STC2: variants seen among roughly 807,000 people sequenced by gnomAD.
The protein encoded by STC2 is stanniocalcin-2.
A neutral mutation model predicts 22.7 loss-of-function variants in STC2; 7 were observed. The observed-to-expected ratio is 0.31, with a 90% CI of 0.18 to 0.58. The LOEUF is 0.58. Ranked by LOEUF, STC2 falls within the 20% of genes least tolerant of loss-of-function variation. STC2 has a pLI of 0.89. For missense variants in STC2, 336 were observed against 406.2 expected (o/e 0.83, Z 1.48); for synonymous variants, 158 against 163.4 (o/e 0.97, Z 0.25).
rs1274215174 is a variant in STC2 at position 173,315,114 on chromosome 5, A to T, written c.*2733T>A. 3 of 152,240 alleles carry T rather than the reference A, an allele frequency of 2.0e-5. No homozygotes were observed. Among genetic ancestry groups the T allele is most frequent in the Non-Finnish European group, 2.9e-5 (2 of 68,044 alleles). 9.4% of individuals were successfully genotyped at this position (152,240 alleles called of 1,614,324 possible). On this transcript the variant is annotated 3_prime_UTR_variant, in exon 4 of 4. Coordinates refer to ENST00000265087, the MANE Select transcript of STC2 (RefSeq NM_003714.3). Reference sequence around the variant, plus strand: ...TTCAGATCATCTTGTTAAGATGCAGAGCTCAAAATAAACACTAAATCTTTA... The same window carrying T: ...TTCAGATCATCTTGTTAAGATGCAGTGCTCAAAATAAACACTAAATCTTTA...
chr5:173,327,665 C>T (rs2113143019), intron 1 of STC2, among the ~76,000 whole-genome samples: 1 of 152,360 alleles, frequency 6.6e-6, no homozygotes, highest in Non-Finnish European at 1.5e-5. Flanking sequence ...GGGCGCAGCC[C>T]AGCTCCGGGG....
At chr5:173,326,931 G>T (rs777334262) in intron 1 of STC2, 1 of 152,164 alleles carries the variant, frequency 6.6e-6, no homozygotes, top group Non-Finnish European at 1.5e-5. Flanking sequence ...CGGGGTCGGA[G>T]CAGATAACCC....
chr5:173,324,692 T>C (rs1762525393), intron 2 of STC2, among the ~76,000 whole-genome samples: 1 of 152,164 alleles, frequency 6.6e-6, no homozygotes, highest in African/African-American at 2.4e-5. Context: ...TTCCTGTTGG[T>C]TGGGAAAAAA....
In STC2 at chr5:173,323,912, GGC is replaced by G; in HGVS notation, c.295-484_295-483del. ...GTTTCCTTTTTCCCTTGATTCCAGGGGCGACACCGAGATTGATTGCTGATTGT... is the reference window on the plus strand; with the variant it reads ...GTTTCCTTTTTCCCTTGATTCCAGGGGACACCGAGATTGATTGCTGATTGT... On this transcript the variant is annotated intron_variant, in intron 2 of 3. Coordinates refer to ENST00000265087, the MANE Select transcript of STC2 (RefSeq NM_003714.3). The surrounding 1 kb of genome is among the most constrained non-coding windows in gnomAD (Gnocchi z 5.4). 1 of 170,088 alleles carries G rather than the reference GGC, an allele frequency of 5.9e-6. No homozygotes were observed. The highest frequency in any genetic ancestry group is 1.3e-5 in the Non-Finnish European group (1 of 79,684). The allele number at this position is 170,088 out of a possible 1,614,324, so 10.5% of individuals were successfully genotyped here. A position where few individuals can be genotyped will look rare whatever the true frequency, so the allele number is the denominator to read the frequency against.
intron 3 of STC2, among the ~76,000 whole-genome samples, chr5:173,320,597 G>A (rs922830023): frequency 3.3e-5 from 5 of 152,068 alleles, no homozygotes; most frequent in South Asian, 2.1e-4. Flanking sequence ...CCAGGCAGGC[G>A]GCAGCTAGGG....
At chr5:173,327,071 TG>T (rs1762556168) in intron 1 of STC2, among the ~76,000 whole-genome samples, 1 of 52,864 alleles carries the variant, frequency 1.9e-5, no homozygotes, top group Admixed American at 2.0e-4. Context: ...CTCGGGGTGG[TG>T]GGGGTGCCGG....
chr5:173,322,552 G>A (rs1221758866), intron 3 of STC2, among the ~76,000 whole-genome samples: 1 of 152,244 alleles, frequency 6.6e-6, no homozygotes, highest in Non-Finnish European at 1.5e-5. Context: ...GGGCACTAAT[G>A]TATGAGAGAA....
At position 173,315,954 on chromosome 5, in the gene STC2, G is replaced by A. The variant is rs933995046; in HGVS notation, c.*1893C>T. 2 of 152,220 alleles carry A rather than the reference G, an allele frequency of 1.3e-5. No individual in the cohort carries two copies. The highest frequency in any genetic ancestry group is 1.3e-4 in the Admixed American group (2 of 15,276). 9.4% of individuals were successfully genotyped at this position (152,220 alleles called of 1,614,324 possible). A position where few individuals can be genotyped will look rare whatever the true frequency, so the allele number is the denominator to read the frequency against. On this transcript the variant is annotated 3_prime_UTR_variant, in exon 4 of 4. Transcript: ENST00000265087. ...CCAACCGCCGGCATGGATCATGAAAGACTGGGATTGGATTTGGGGCATAGA... is the reference window on the plus strand; with the variant it reads ...CCAACCGCCGGCATGGATCATGAAAAACTGGGATTGGATTTGGGGCATAGA...
At position 173,327,245 on chromosome 5, in the gene STC2, C is replaced by T. The variant is rs1280652195; in HGVS notation, c.151+798G>A. Reference sequence around the variant, plus strand: ...CGCCGCCGCTGCCGCGTTCACACGGCCCCCCAAAGTCGGGGGAGGGGTCGT... The same window carrying T: ...CGCCGCCGCTGCCGCGTTCACACGGTCCCCCAAAGTCGGGGGAGGGGTCGT... On this transcript the variant is annotated intron_variant, in intron 1 of 3. Coordinates refer to ENST00000265087, the MANE Select transcript of STC2 (RefSeq NM_003714.3). Among the ~76,000 whole-genome samples the T allele has an allele frequency of 5.9e-5, 9 of 152,326 alleles. No individual in the cohort carries two copies. In the East Asian group the frequency reaches 1.4e-3, roughly 23 times the overall value.
At position 173,323,388 on chromosome 5, in the gene STC2, C is replaced by T. The variant is rs982687618; in HGVS notation, c.337G>A (p.Ala113Thr). Residue 113 changes from alanine to threonine, a missense_variant, in exon 3 of 4, where the codon GCT (alanine) becomes ACT (threonine). Ala to Thr is a moderately conservative substitution (Grantham distance 58). Transcript: ENST00000265087. This position sits in a 1 kb window ranked among gnomAD's most constrained non-coding sequence, Gnocchi z 5.4. Reference protein sequence around the residue: ...IKDALKCKAHALRHRFGCISR... With the variant: ...IKDALKCKAHTLRHRFGCISR... ...ATGCAGCCGAACCTGTGCCGCAGAG[C>T]GTGGGCCTTACATTTCAAGGCGTCT... 6.2e-6 allele frequency: 10 copies of T among 1,613,746 alleles called. No homozygotes were observed. The East Asian group carries it at 6.7e-5, about 11-fold the overall frequency.
In STC2 at chr5:173,323,406, A is replaced by G. The variant is rs750267309; in HGVS notation, c.319T>C (p.Leu107=). The change falls in exon 3 of 4, where the codon TTG becomes CTG. Residue 107 remains leucine, a synonymous_variant. Transcript: ENST00000265087. This position sits in a 1 kb window ranked among gnomAD's most constrained non-coding sequence, Gnocchi z 5.4. ...CGCAGAGCGTGGGCCTTACATTTCAAGGCGTCTTTGATGAATGACTTGCCC... is the reference window on the plus strand; with the variant it reads ...CGCAGAGCGTGGGCCTTACATTTCAGGGCGTCTTTGATGAATGACTTGCCC... ...AQGKSFIKDA[L]KCKAHALRHR... 1 of 1,612,970 alleles carries G rather than the reference A, an allele frequency of 6.2e-7. No individual in the cohort carries two copies. Among genetic ancestry groups the G allele is most frequent in the East Asian group, 2.2e-5 (1 of 44,854 alleles).
At chr5:173,327,179 T>TG (rs1260721694) in intron 1 of STC2, among the ~76,000 whole-genome samples, 2 of 152,220 alleles carry the variant, frequency 1.3e-5, no homozygotes, top group Non-Finnish European at 2.9e-5. Flanking sequence ...GCGTCCCTAA[T>TG]GGGCACTCGT....
rs954680817 is a variant in STC2 at position 173,316,674 on chromosome 5, G to C, written c.*1173C>G. On this transcript the variant is annotated 3_prime_UTR_variant, in exon 4 of 4. Transcript: ENST00000265087. ...TTTTCAGCAGTCTCCTTGATTTTAT[G>C]TAAAAGGTCAGCATTTCCTGATGGG... 1 of 152,096 alleles carries C rather than the reference G, an allele frequency of 6.6e-6. No homozygotes were observed. The highest frequency in any genetic ancestry group is 2.4e-5 in the African/African-American group (1 of 41,392). The allele number at this position is 152,096 out of a possible 1,614,324, so 9.4% of individuals were successfully genotyped here.
At position 173,316,222 on chromosome 5, in the gene STC2, C is replaced by T. The variant is rs573716581; in HGVS notation, c.*1625G>A. 4 of 152,148 alleles carry T rather than the reference C, an allele frequency of 2.6e-5. No homozygotes were observed. The highest frequency in any genetic ancestry group is 2.1e-4 in the South Asian group (1 of 4,822). 9.4% of individuals were successfully genotyped at this position (152,148 alleles called of 1,614,324 possible). On this transcript the variant is annotated 3_prime_UTR_variant, in exon 4 of 4. Coordinates refer to ENST00000265087, the MANE Select transcript of STC2 (RefSeq NM_003714.3). Reference sequence around the variant, plus strand: ...TTCCTGGAAGGGAGCCAAGCCCTCTCGTTTGTGTGTTGTCTATGGCTGCTT... The same window carrying T: ...TTCCTGGAAGGGAGCCAAGCCCTCTTGTTTGTGTGTTGTCTATGGCTGCTT...
At chr5:173,318,343 G>A (rs1762451199) in intron 3 of STC2, 94 bp from the exon 4 acceptor site, 56 of 1,249,294 alleles carry the variant, frequency 4.5e-5, no homozygotes, top group Non-Finnish European at 5.6e-5. Flanking sequence ...AGAGGGCAGG[G>A]GCAATGCTGG....
intron 1 of STC2, 27 bp downstream of exon 1, chr5:173,328,016 C>A: frequency 6.9e-7 from 1 of 1,443,186 alleles, no homozygotes; most frequent in Middle Eastern, 2.2e-4. Context: ...CCCAGTAGCT[C>A]CCGGCTGCGG....
chr5:173,328,327 C>T lies in STC2; in HGVS notation c.-134G>A, dbSNP rs1762577455. On this transcript the variant is annotated 5_prime_UTR_variant, in exon 1 of 4. Coordinates refer to ENST00000265087, the MANE Select transcript of STC2 (RefSeq NM_003714.3). ...TTTTGCTCGCCTTTTCCCTCCTCCT[C>T]GCGGCCGCGGCTCGGATAGAGGTTA... is the stretch of plus-strand genomic sequence containing the variant. 4.9e-6 allele frequency: 5 copies of T among 1,026,120 alleles called. No homozygotes were observed. The highest frequency in any genetic ancestry group is 1.6e-5 in the African/African-American group (1 of 60,650). The allele number at this position is 1,026,120 out of a possible 1,614,324, so 63.6% of individuals were successfully genotyped here.
chr5:173,324,615 G>T (rs1762524677), intron 2 of STC2, among the ~76,000 whole-genome samples: 1 of 152,216 alleles, frequency 6.6e-6, no homozygotes, highest in Non-Finnish European at 1.5e-5. Context: ...GGCAGGGTGT[G>T]CCCGTTTATT....
At position 173,325,583 on chromosome 5, in the gene STC2, G is replaced by A. The variant is rs1432214196; in HGVS notation, c.294+285C>T. ...CCTGCCCCTGCCTCTCATGCAGTGG[G>A]CTTTGGAGACTGAGTTCTGGGTGGC... On this transcript the variant is annotated intron_variant, in intron 2 of 3. Coordinates refer to ENST00000265087, the MANE Select transcript of STC2 (RefSeq NM_003714.3). The surrounding 1 kb of genome is among the most constrained non-coding windows in gnomAD (Gnocchi z 4.7). Among the ~76,000 whole-genome samples the A allele has an allele frequency of 6.6e-6, 1 of 152,208 alleles. No individual in the cohort carries two copies. The highest frequency in any genetic ancestry group is 1.5e-5 in the Non-Finnish European group (1 of 68,042).
Sources: gnomAD v4.1 joint callset for allele counts (sites outside exome capture counted in the v4.1 genomes callset) on GRCh38, gnomAD v4.1.1 for gene constraint, Gnocchi (gnomAD v3.1) non-coding constraint, MANE v1.5 for transcripts, NCBI Gene and HGNC (gene_info 2026-07-23, HGNC 2026-07-21) for gene names.